COLEC10: variants seen among roughly 807,000 people sequenced by gnomAD.
COLEC10 encodes collectin-10.
In COLEC10, 22 loss-of-function variants were observed where a neutral mutation model predicts 28.4. The observed-to-expected ratio is 0.78, with a 90% confidence interval of 0.55 to 1.11. COLEC10 has a LOEUF of 1.11. COLEC10 is among the 50% of genes least tolerant of loss of function. The pLI is 0.00. For missense variants in COLEC10, 361 were observed against 344.1 expected, an observed-to-expected ratio of 1.05 and a Z score of -0.39; for synonymous variants, 125 against 116.1, an observed-to-expected ratio of 1.08 and a Z score of -0.49.
At chr8:118,985,890 G>A in the COLEC10 span, among the ~76,000 whole-genome samples, 2 of 151,994 alleles carry the variant, frequency 1.3e-5, no homozygotes, top group African/African-American at 4.8e-5. Flanking sequence ...TTTGACTAGA[G>A]ACCTATAGCA....
At chr8:119,073,253 C>A (rs1038659705) in intron 1 of COLEC10, among the ~76,000 whole-genome samples, 2 of 152,156 alleles carry the variant, frequency 1.3e-5, no homozygotes, top group African/African-American at 2.4e-5. Flanking sequence ...TCCATTCTTC[C>A]ATGTTACATC....
At chr8:119,054,280 AC>A (rs1228585487) in intron 2 of COLEC10, among the ~76,000 whole-genome samples, 1 of 152,146 alleles carries the variant, frequency 6.6e-6, no homozygotes, top group Non-Finnish European at 1.5e-5. Flanking sequence ...ATATTTTCAG[AC>A]TACTGTTGAA....
chr8:118,964,132 G>C, the COLEC10 span, among the ~76,000 whole-genome samples: 1 of 152,170 alleles, frequency 6.6e-6, no homozygotes, highest in Non-Finnish European at 1.5e-5. Flanking sequence ...GCTGACACCA[G>C]GGGGATAAAA....
intron 2 of COLEC10, among the ~76,000 whole-genome samples, chr8:119,021,637 G>T (rs1814097586): frequency 6.6e-6 from 1 of 152,114 alleles, no homozygotes; most frequent in Non-Finnish European, 1.5e-5. Context: ...TTGCTCTTGG[G>T]AAGAGCCATC....
the COLEC10 span, among the ~76,000 whole-genome samples, chr8:118,976,925 A>C: frequency 1.3e-5 from 2 of 151,512 alleles, no homozygotes; most frequent in Admixed American, 1.3e-4. Flanking sequence ...CAACCCCATC[A>C]AAAAGTGGGC....
chr8:119,014,060 A>T (rs1813947187), intron 2 of COLEC10, among the ~76,000 whole-genome samples: 1 of 150,682 alleles, frequency 6.6e-6, no homozygotes, highest in South Asian at 2.1e-4. Flanking sequence ...CACACATTCA[A>T]ATACATTGCT....
intron 1 of COLEC10, among the ~76,000 whole-genome samples, chr8:119,086,368 T>G (rs1352851831): frequency 2.1e-5 from 3 of 143,578 alleles, no homozygotes; most frequent in Non-Finnish European, 4.6e-5. Context: ...CAAACAACTG[T>G]GAGCCAGGTC....
Position 119,019,550 on chromosome 8 carries a change from G to A in COLEC10, n.235+9997G>A, listed in dbSNP as rs567175161. The stretch of plus-strand genomic sequence containing the variant: ...ACCCCACTTCCATTTTTCCCCGATT[G>A]TCCACAGTCATCTGCCAAGTTTCAA... On this transcript the variant is annotated intron_variant and non_coding_transcript_variant, in intron 2 of 6. Transcript: ENST00000521788. Among the ~76,000 whole-genome samples the A allele has an allele frequency of 2.0e-5, 3 of 151,930 alleles. No individual in the cohort carries two copies. In the South Asian group the frequency reaches 6.2e-4, roughly 32 times the overall value.
At chr8:119,042,262 T>C (rs1263141735) in intron 2 of COLEC10, among the ~76,000 whole-genome samples, 2 of 152,122 alleles carry the variant, frequency 1.3e-5, no homozygotes, top group Non-Finnish European at 2.9e-5. Flanking sequence ...CCTCCCAAAG[T>C]GCTGGGATTA....
intron 4 of COLEC10, among the ~76,000 whole-genome samples, chr8:119,103,383 G>A (rs1815877130): frequency 6.6e-6 from 1 of 152,100 alleles, no homozygotes; most frequent in Admixed American, 6.6e-5. Flanking sequence ...TAGAAAAACT[G>A]TGTCATCTAT....
At chr8:118,984,968 C>A in the COLEC10 span, among the ~76,000 whole-genome samples, 1 of 151,994 alleles carries the variant, frequency 6.6e-6, no homozygotes, top group East Asian at 1.9e-4. Context: ...TTCACTATCA[C>A]GAGAACAGCA....
chr8:119,016,702 T>C (rs1310900187), intron 2 of COLEC10, among the ~76,000 whole-genome samples: 2 of 152,028 alleles, frequency 1.3e-5, no homozygotes, highest in African/African-American at 2.4e-5. Flanking sequence ...CCTGATTTTT[T>C]GTTTCTTTGG....
rs762180766 is a variant in COLEC10, at chr8:119,077,243, A to ATTTTTTTTTT, written c.148+9829_148+9838dup. The stretch of plus-strand genomic sequence containing the variant: ...TTTTGATTAGCCTGGGTAGAGAATG[A>ATTTTTTTTTT]TTTTTTTTTTTTTTTTTTTTTTTTG... On this transcript the variant is annotated intron_variant, in intron 1 of 5. Coordinates refer to ENST00000332843, the MANE Select transcript of COLEC10 (RefSeq NM_006438.5). Among the ~76,000 whole-genome samples the ATTTTTTTTTT allele has an allele frequency of 7.8e-5, 7 of 90,282 alleles. 1 individual carries two copies. Among genetic ancestry groups the ATTTTTTTTTT allele is most frequent in the Non-Finnish European group, 1.3e-4 (6 of 46,658 alleles). The allele number at this position is 90,282 out of a possible 152,430, so 59.2% of individuals were successfully genotyped here.
At chr8:118,989,378 G>A in the COLEC10 span, among the ~76,000 whole-genome samples, 7 of 152,018 alleles carry the variant, frequency 4.6e-5, no homozygotes, top group African/African-American at 9.7e-5. Context: ...AAGGTGTAAT[G>A]CCTATAGTTG....
upstream of COLEC10, among the ~76,000 whole-genome samples, chr8:118,994,485 G>A (rs1445170821): frequency 1.3e-5 from 2 of 152,166 alleles, no homozygotes; most frequent in Non-Finnish European, 2.9e-5. Flanking sequence ...CTATGTGTCA[G>A]CCACTAGCTA....
intron 2 of COLEC10, among the ~76,000 whole-genome samples, chr8:119,027,476 T>A (rs1456924956): frequency 6.6e-6 from 1 of 152,184 alleles, no homozygotes. Context: ...TGTAAATAGC[T>A]AGTGATCTTT....
At chr8:119,019,891 G>T (rs887922601) in intron 2 of COLEC10, among the ~76,000 whole-genome samples, 2 of 152,146 alleles carry the variant, frequency 1.3e-5, no homozygotes, top group East Asian at 3.9e-4. Flanking sequence ...TCAATGTGAT[G>T]TCATCTGGCT....
upstream of COLEC10, chr8:119,067,202 C>T: frequency 6.9e-7 from 1 of 1,447,432 alleles, no homozygotes; most frequent in South Asian, 1.3e-5. Context: ...TCCCCTTCTT[C>T]CCCAAAGCAG....
At chr8:119,062,434 T>C (rs1587030070), upstream of COLEC10, among the ~76,000 whole-genome samples, 2 of 152,080 alleles carry the variant, frequency 1.3e-5, no homozygotes, top group South Asian at 4.1e-4. Context: ...GTTAAAACCA[T>C]TTGACTTTTT....
Sources: gnomAD v4.1 joint callset for allele counts (sites outside exome capture counted in the v4.1 genomes callset) on GRCh38, gnomAD v4.1.1 for gene constraint, MANE v1.5 for transcripts, NCBI Gene and HGNC (gene_info 2026-07-23, HGNC 2026-07-21) for gene names.